Variants in GADL1 observed in about 807,000 individuals in gnomAD.
GADL1 encodes the protein acidic amino acid decarboxylase GADL1.
A neutral mutation model predicts 69.5 loss-of-function variants in GADL1; 71 were observed. The ratio of observed to expected loss-of-function variants is 1.02; its 90% confidence interval spans 0.84 to 1.25. GADL1 has a LOEUF of 1.25. Among genes scored for constraint, GADL1 ranks in the 50% most tolerant of loss-of-function variants. GADL1 has a pLI of 0.00. For missense variants in GADL1, 737 were observed against 631.8 expected, an observed-to-expected ratio of 1.17 and a Z score of -1.79; for synonymous variants, 254 against 214.4, an observed-to-expected ratio of 1.18 and a Z score of -1.62.
Position 30,857,125 on chromosome 3 carries a change from G to A in GADL1, c.227C>T (p.Pro76Leu). ...DVNEKVCEWR[P>L]PEQLKQLLDL... ...AAGAAGCTGTTTCAGTTGTTCAGGA[G>A]GCCTCCATTCACACACCTGGAGATT... The change falls in exon 3 of 15, where the codon CCT becomes CTT. Residue 76 changes from proline (P) to leucine (L), a missense_variant. Pro to Leu is a moderately conservative substitution (Grantham distance 98). Transcript: ENST00000282538. 1 of 1,550,106 alleles carries A rather than the reference G, an allele frequency of 6.5e-7. No individual in the cohort carries two copies. The highest frequency in any genetic ancestry group is 8.7e-7 in the Non-Finnish European group (1 of 1,145,816).
intron 1 of GADL1, among the ~76,000 whole-genome samples, chr3:30,891,386 C>T (rs1378977426): frequency 6.6e-6 from 1 of 152,110 alleles, no homozygotes; most frequent in African/African-American, 2.4e-5. Flanking sequence ...CCCATCCTTC[C>T]CACTCAAAGA....
At chr3:30,826,478 A>G (rs553428856) in intron 11 of GADL1, among the ~76,000 whole-genome samples, 12 of 152,004 alleles carry the variant, frequency 7.9e-5, no homozygotes, top group African/African-American at 2.7e-4. Context: ...TAGGCAGAAA[A>G]TATAAAATCC....
intron 14 of GADL1, among the ~76,000 whole-genome samples, chr3:30,751,980 C>A (rs1166899264): frequency 6.8e-6 from 1 of 146,208 alleles, no homozygotes; most frequent in Non-Finnish European, 1.5e-5. Flanking sequence ...CAAAGACTTA[C>A]TGATGGCTGT....
intron 13 of GADL1, among the ~76,000 whole-genome samples, chr3:30,782,091 C>CT (rs1175526195): frequency 1.3e-5 from 2 of 152,082 alleles, no homozygotes; most frequent in Middle Eastern, 3.2e-3. Flanking sequence ...ACAGGGTGTA[C>CT]TGAAGAGAGG....
At chr3:30,889,582 A>T (rs1389781513) in intron 1 of GADL1, among the ~76,000 whole-genome samples, 2 of 152,260 alleles carry the variant, frequency 1.3e-5, no homozygotes, top group Non-Finnish European at 2.9e-5. Context: ...ACGTGGCAAC[A>T]TGCTGAAAAA....
At chr3:30,802,788 T>G (rs1303759440) in intron 11 of GADL1, among the ~76,000 whole-genome samples, 2 of 152,282 alleles carry the variant, frequency 1.3e-5, no homozygotes, top group East Asian at 3.9e-4. Context: ...TCATCCAGTA[T>G]CCACAATAAA....
intron 14 of GADL1, among the ~76,000 whole-genome samples, chr3:30,751,993 A>G (rs1418364502): frequency 9.6e-6 from 1 of 104,572 alleles, no homozygotes; most frequent in Admixed American, 8.1e-5. Context: ...ATGGCTGTCT[A>G]AATAAGATAG....
chr3:30,768,578 G>T (rs1233134401), intron 14 of GADL1, among the ~76,000 whole-genome samples: 3 of 151,528 alleles, frequency 2.0e-5, no homozygotes, highest in Middle Eastern at 3.4e-3. Flanking sequence ...GGGAGGGGGA[G>T]GAGAGGCGGA....
chr3:30,888,338 A>C (rs1170027011), intron 1 of GADL1, among the ~76,000 whole-genome samples: 1 of 152,194 alleles, frequency 6.6e-6, no homozygotes, highest in Non-Finnish European at 1.5e-5. Context: ...AGTGTACAAA[A>C]TAATATTTGG....
chr3:30,756,883 C>T (rs1326994947), intron 14 of GADL1, among the ~76,000 whole-genome samples: 1 of 91,838 alleles, frequency 1.1e-5, no homozygotes, highest in Non-Finnish European at 2.1e-5. Flanking sequence ...GTGTTTAAAC[C>T]ACTGGAGTTT....
chr3:30,851,048 G>A (rs1698138585), intron 4 of GADL1, 107 bp from the exon 5 acceptor site: 1 of 617,374 alleles, frequency 1.6e-6, no homozygotes, highest in Admixed American at 2.9e-5. Context: ...CTGCTGAAGT[G>A]TAGGCAGTCT....
intron 3 of GADL1, among the ~76,000 whole-genome samples, chr3:30,855,199 GA>G (rs1698208670): frequency 6.6e-6 from 1 of 152,096 alleles, no homozygotes; most frequent in Non-Finnish European, 1.5e-5. Context: ...AAAACATGTT[GA>G]AGACACATCG....
At chr3:30,882,342 T>C (rs1172811914) in intron 1 of GADL1, among the ~76,000 whole-genome samples, 1 of 151,788 alleles carries the variant, frequency 6.6e-6, no homozygotes, top group Non-Finnish European at 1.5e-5. Context: ...AATTCCACCT[T>C]CCCCCTCGCA....
At chr3:30,823,932 T>C (rs550955155) in intron 11 of GADL1, among the ~76,000 whole-genome samples, 5 of 151,138 alleles carry the variant, frequency 3.3e-5, no homozygotes, top group Non-Finnish European at 3.0e-5. Context: ...CTGTACACAA[T>C]GAAACATGGA....
chr3:30,795,024 C>T (rs1332028932), intron 12 of GADL1, among the ~76,000 whole-genome samples: 1 of 152,140 alleles, frequency 6.6e-6, no homozygotes, highest in East Asian at 1.9e-4. Flanking sequence ...GATATTTTAG[C>T]TATAAGAGCC....
At chr3:30,882,926 G>A (rs1402801749) in intron 1 of GADL1, among the ~76,000 whole-genome samples, 1 of 151,798 alleles carries the variant, frequency 6.6e-6, no homozygotes, top group African/African-American at 2.4e-5. Context: ...TAGTGATAGT[G>A]AGCATCTTTG....
intron 6 of GADL1, among the ~76,000 whole-genome samples, chr3:30,847,942 C>T (rs2125530641): frequency 6.6e-6 from 1 of 152,158 alleles, no homozygotes; most frequent in East Asian, 1.9e-4. Context: ...GGTAATTATT[C>T]CAGAAAAGAA....
At chr3:30,773,958 T>C (rs778243892) in intron 14 of GADL1, among the ~76,000 whole-genome samples, 1 of 152,176 alleles carries the variant, frequency 6.6e-6, no homozygotes, top group Non-Finnish European at 1.5e-5. Context: ...ATTTGATTAG[T>C]GAAAGATATC....
intron 1 of GADL1, among the ~76,000 whole-genome samples, chr3:30,888,029 A>G (rs1387406280): frequency 6.6e-6 from 1 of 152,062 alleles, no homozygotes; most frequent in East Asian, 1.9e-4. Context: ...GTATATTGTA[A>G]ATCATCTCAA....
Sources: allele counts gnomAD v4.1 joint callset (sites outside exome capture counted in the v4.1 genomes callset), GRCh38; gene constraint gnomAD v4.1.1; transcripts MANE v1.5; gene names NCBI Gene and HGNC (gene_info 2026-07-23, HGNC 2026-07-21).